Variants in DAW1 observed in about 807,000 individuals in gnomAD.
The protein encoded by DAW1 is dynein assembly factor with WD repeat domains 1.
Under a neutral mutation model 56.5 loss-of-function variants are expected in DAW1, and 47 were observed. That is an observed-to-expected ratio of 0.83 (90% confidence interval 0.66 to 1.06). The LOEUF (loss-of-function observed/expected upper bound fraction) is 1.06, where lower values mean the gene tolerates loss of function less well. Among genes scored for constraint, DAW1 ranks in the 50% least tolerant of loss-of-function variants. DAW1 has a pLI of 0.00. For missense variants in DAW1, 505 were observed against 499.3 expected, an observed-to-expected ratio of 1.01 and a Z score of -0.11; for synonymous variants, 190 against 179.0, an observed-to-expected ratio of 1.06 and a Z score of -0.49.
At chr2:227,920,643 T>G (rs900790751) in intron 11 of DAW1, among the ~76,000 whole-genome samples, 1 of 152,160 alleles carries the variant, frequency 6.6e-6, no homozygotes, top group Non-Finnish European at 1.5e-5. Flanking sequence ...AGGATCTGTG[T>G]GCTTTTTAAA....
At chr2:227,912,358 G>A (rs772282817) in intron 10 of DAW1, 25 of 1,304,424 alleles carry the variant, frequency 1.9e-5, no homozygotes, top group South Asian at 3.7e-5. Flanking sequence ...TCAGCCGCCC[G>A]AGTTATGTCA....
chr2:227,882,741 C>A (rs1319326901), intron 1 of DAW1, among the ~76,000 whole-genome samples: 1 of 152,152 alleles, frequency 6.6e-6, no homozygotes, highest in Non-Finnish European at 1.5e-5. Flanking sequence ...GGGGGAGGTT[C>A]CCCCATGCTG....
rs79836125 is a variant in DAW1 at position 227,915,892 on chromosome 2, T to C, written c.974-2888T>C. On this transcript the variant is annotated intron_variant, in intron 10 of 12. Coordinates refer to ENST00000309931, the MANE Select transcript of DAW1 (RefSeq NM_178821.3). ...ATATCATGTCCTTGAAAATTCCTTA[T>C]GATATTATGCCGTAGTTCATCTCAT... 5.7e-4 allele frequency among the ~76,000 whole-genome samples: 87 copies of C among 152,250 alleles called. 4 individuals carry two copies. The East Asian group carries it at 0.013, about 24-fold the overall frequency.
chr2:227,923,833 T>C, intron 12 of DAW1, 101 bp from the exon 13 acceptor site: 5 of 1,419,348 alleles, frequency 3.5e-6, no homozygotes, highest in East Asian at 4.9e-5. Flanking sequence ...ATTTAGCAAG[T>C]TGTTAATTAC....
At chr2:227,879,653 T>A (rs559723600) in intron 1 of DAW1, among the ~76,000 whole-genome samples, 1 of 151,854 alleles carries the variant, frequency 6.6e-6, no homozygotes, top group African/African-American at 2.4e-5. Flanking sequence ...GAATATTTTA[T>A]ATTTTATTTT....
chr2:227,922,096 T>C (rs1692123832), intron 12 of DAW1, among the ~76,000 whole-genome samples: 1 of 152,180 alleles, frequency 6.6e-6, no homozygotes, highest in Non-Finnish European at 1.5e-5. Context: ...GAGGCTTCAG[T>C]GAGCTATGAT....
intron 11 of DAW1, 94 bp from the exon 12 acceptor site, chr2:227,921,305 C>CTTTTTTTTTTTTTTTTTTTTTTTTTTTTT (rs556409280): frequency 4.6e-6 from 2 of 433,768 alleles, no homozygotes; most frequent in African/African-American, 8.6e-5. Flanking sequence ...CTGTAATGTC[C>CTTTTTTTTTTTTTTTTTTTTTTTTTTTTT]TTTTTTTTTT....
rs1691645608 is a variant in DAW1, at chr2:227,904,999, A to G, written c.719A>G (p.Asp240Gly). ...SGDRIITGSF[D>G]HTVVVWDADT... is the part of the protein sequence containing the mutation. ...GACAGAATCATCACGGGGTCTTTTGATCATACCGTTGTAGTGTGGGACGCT... is the reference window on the plus strand; with the variant it reads ...GACAGAATCATCACGGGGTCTTTTGGTCATACCGTTGTAGTGTGGGACGCT... The change falls in exon 8 of 13, where the codon GAT becomes GGT. Residue 240 changes from aspartate to glycine, a missense_variant. By Grantham distance (94) the Asp-to-Gly change is moderately conservative. Coordinates refer to ENST00000309931, the MANE Select transcript of DAW1 (RefSeq NM_178821.3). 6.2e-7 allele frequency: 1 copy of G among 1,613,700 alleles called. No homozygotes were observed. The highest frequency in any genetic ancestry group is 1.3e-5 in the African/African-American group (1 of 74,926).
rs1239180340 is a variant in DAW1 at position 227,896,065 on chromosome 2, T to C, written c.441-2117T>C. Among the ~76,000 whole-genome samples the C allele has an allele frequency of 9.9e-5, 15 of 152,190 alleles. No individual in the cohort carries two copies. In the East Asian group the frequency reaches 2.5e-3, roughly 25 times the overall value. ...TATCTTTTAGAAATGTAGTACCCTT[T>C]CAAAACATGTTAATTGTGATGGCAC... is the stretch of plus-strand genomic sequence containing the variant. On this transcript the variant is annotated intron_variant, in intron 5 of 12. Coordinates refer to ENST00000309931, the MANE Select transcript of DAW1 (RefSeq NM_178821.3).
chr2:227,889,793 T>C, intron 2 of DAW1, 63 bp from the exon 3 acceptor site: 2 of 1,361,042 alleles, frequency 1.5e-6, no homozygotes, highest in Admixed American at 2.7e-5. Flanking sequence ...ATTCTTCATG[T>C]AATATAGGTA....
chr2:227,885,715 G>A (rs772436062), intron 2 of DAW1, among the ~76,000 whole-genome samples: 6 of 152,042 alleles, frequency 3.9e-5, no homozygotes, highest in Admixed American at 1.3e-4. Context: ...TCCACACCCC[G>A]ATTCCCCTGA....
In DAW1 at chr2:227,885,417, G is replaced by T. The variant is rs866486000; in HGVS notation, c.107G>T (p.Gly36Val). ...KTKSIDLLDLGPSTDVSALVE... is the reference protein window; with the variant it reads ...KTKSIDLLDLVPSTDVSALVE... ...AAGTCCATAGATTTGCTTGATCTTGGTCCCAGGTAAGTAAGCTGTAGGATT... is the reference window on the plus strand; with the variant it reads ...AAGTCCATAGATTTGCTTGATCTTGTTCCCAGGTAAGTAAGCTGTAGGATT... Residue 36 changes from glycine to valine, a missense_variant, in exon 2 of 13, where the codon GGT becomes GTT. Coordinates refer to ENST00000309931, the MANE Select transcript of DAW1 (RefSeq NM_178821.3). 2 of 1,601,646 alleles carry T rather than the reference G, an allele frequency of 1.2e-6. No homozygotes were observed. The highest frequency in any genetic ancestry group is 3.3e-4 in the Middle Eastern group (2 of 6,022).
chr2:227,911,966 T>C (rs965728851), intron 10 of DAW1, among the ~76,000 whole-genome samples: 2 of 152,180 alleles, frequency 1.3e-5, no homozygotes, highest in Non-Finnish European at 2.9e-5. Context: ...TATGCCCCTA[T>C]ACTATCTGAT....
In DAW1 at chr2:227,923,435, T is replaced by C. The variant is rs564764779; in HGVS notation, c.1214-499T>C. 6.6e-5 allele frequency among the ~76,000 whole-genome samples: 10 copies of C among 152,334 alleles called. No individual in the cohort carries two copies. The South Asian group carries it at 1.7e-3, about 25-fold the overall frequency. Reference sequence around the variant, plus strand: ...ATTCCTAAGGCACTCACACTTCTTATATTGATGTTATGTGCCTGGTCCCTG... The same window carrying C: ...ATTCCTAAGGCACTCACACTTCTTACATTGATGTTATGTGCCTGGTCCCTG... On this transcript the variant is annotated intron_variant, in intron 12 of 12. Coordinates refer to ENST00000309931, the MANE Select transcript of DAW1 (RefSeq NM_178821.3).
chr2:227,918,976 C>T, intron 11 of DAW1, 120 bp downstream of exon 11: 1 of 1,044,342 alleles, frequency 9.6e-7, no homozygotes, highest in Non-Finnish European at 1.4e-6. Context: ...GAGAAGATTG[C>T]TTGAGGCCAG....
chr2:227,900,983 T>C (rs1193513380), intron 6 of DAW1, among the ~76,000 whole-genome samples: 1 of 152,152 alleles, frequency 6.6e-6, no homozygotes, highest in South Asian at 2.1e-4. Flanking sequence ...GGATTTTATT[T>C]TGTAGGTAAT....
chr2:227,895,091 T>G (rs901314136), intron 5 of DAW1, among the ~76,000 whole-genome samples: 1 of 152,196 alleles, frequency 6.6e-6, no homozygotes, highest in African/African-American at 2.4e-5. Flanking sequence ...GAAATCACAC[T>G]GTCAAAATCT....
At chr2:227,876,623 C>T in intron 1 of DAW1, 1 of 632,852 alleles carries the variant, frequency 1.6e-6, no homozygotes, top group Non-Finnish European at 2.3e-6. Context: ...TTTTCGCCCT[C>T]CCACTTTCTT....
chr2:227,910,974 A>G (rs1691800148), intron 10 of DAW1, among the ~76,000 whole-genome samples: 1 of 151,998 alleles, frequency 6.6e-6, no homozygotes, highest in Non-Finnish European at 1.5e-5. Flanking sequence ...GTCTTGTATG[A>G]AACTATGCTA....
Sources: gnomAD v4.1 joint callset for allele counts (sites outside exome capture counted in the v4.1 genomes callset) on GRCh38, gnomAD v4.1.1 for gene constraint, MANE v1.5 for transcripts, NCBI Gene and HGNC (gene_info 2026-07-23, HGNC 2026-07-21) for gene names.